Variants in CRTAP observed in about 807,000 individuals in gnomAD.
CRTAP encodes cartilage associated protein, also known as cartilage-associated protein.
In CRTAP, 33 loss-of-function variants were observed where a neutral mutation model predicts 42.7. The ratio of observed to expected loss-of-function variants is 0.77; its 90% CI spans 0.59 to 1.03. The LOEUF is 1.03. Among genes scored for constraint, CRTAP ranks in the 50% least tolerant of loss-of-function variants. CRTAP has a pLI of 0.00. For missense variants in CRTAP, 613 were observed against 533.9 expected, an observed-to-expected ratio of 1.15 and a Z score of -1.46; for synonymous variants, 243 against 217.7, an observed-to-expected ratio of 1.12 and a Z score of -1.02.
chr3:33,134,920 G>A (rs539888291), intron 6 of CRTAP, among the ~76,000 whole-genome samples: 5 of 152,314 alleles, frequency 3.3e-5, no homozygotes, highest in African/African-American at 1.2e-4. Flanking sequence ...CTGATCCTTC[G>A]CTTTATAGAT....
intron 4 of CRTAP, 128 bp from the exon 5 acceptor site, chr3:33,132,427 G>A (rs190409006): frequency 3.0e-6 from 4 of 1,350,076 alleles, no homozygotes; most frequent in African/African-American, 1.4e-5. Flanking sequence ...GCTGCCAGTC[G>A]GCCCCAGGCT....
chr3:33,135,107 A>G (rs767121071), intron 6 of CRTAP, among the ~76,000 whole-genome samples: 5 of 152,238 alleles, frequency 3.3e-5, no homozygotes, highest in African/African-American at 7.2e-5. Flanking sequence ...TTTATCTATA[A>G]AATGGGAATA....
intron 1 of CRTAP, among the ~76,000 whole-genome samples, chr3:33,118,972 C>G (rs1044623353): frequency 7.2e-5 from 11 of 152,216 alleles, no homozygotes; most frequent in African/African-American, 2.2e-4. Context: ...CTGGGAGATT[C>G]CCTTTCTCCC....
At chr3:33,141,522 G>A (rs1380365082) in intron 6 of CRTAP, among the ~76,000 whole-genome samples, 1 of 152,180 alleles carries the variant, frequency 6.6e-6, no homozygotes, top group Non-Finnish European at 1.5e-5. Context: ...AAATTTCTCT[G>A]TGTTAAAACA....
chr3:33,138,880 C>T (rs1216694807), intron 6 of CRTAP, among the ~76,000 whole-genome samples: 1 of 151,978 alleles, frequency 6.6e-6, no homozygotes, highest in Non-Finnish European at 1.5e-5. Flanking sequence ...TGGTGGCTCA[C>T]ACCTGTAATC....
chr3:33,114,514 A>G lies in CRTAP; in HGVS notation c.437A>G (p.Glu146Gly). The G allele has an allele frequency of 6.2e-7, 1 of 1,603,982 alleles. No individual in the cohort carries two copies. The highest frequency in any genetic ancestry group is 8.5e-7 in the Non-Finnish European group (1 of 1,177,052). ...GTGCTGGCGGACTTCCAGCGCCGCGAGCCCTACAAGTTCCTGCAGTTCGCT... is the reference window on the plus strand; with the variant it reads ...GTGCTGGCGGACTTCCAGCGCCGCGGGCCCTACAAGTTCCTGCAGTTCGCT... ...REVLADFQRR[E>G]PYKFLQFAYF... The change falls in exon 1 of 7, where the codon GAG (glutamate) becomes GGG (glycine). Residue 146 changes from glutamate (E) to glycine (G), a missense_variant. Coordinates refer to ENST00000320954, the MANE Select transcript of CRTAP (RefSeq NM_006371.5).
intron 6 of CRTAP, 72 bp downstream of exon 6, chr3:33,134,337 G>C (rs1041275023): frequency 5.0e-6 from 5 of 1,005,632 alleles, no homozygotes; most frequent in Admixed American, 3.4e-5. Flanking sequence ...TAGAATCACT[G>C]GAAGGCTGAG....
chr3:33,141,917 A>T (rs1438665425), intron 6 of CRTAP, among the ~76,000 whole-genome samples: 1 of 152,184 alleles, frequency 6.6e-6, no homozygotes, highest in African/African-American at 2.4e-5. Flanking sequence ...GCAAGCACTC[A>T]ATCATTCATC....
At chr3:33,127,438 AT>A (rs1258874409) in intron 3 of CRTAP, among the ~76,000 whole-genome samples, 2 of 147,186 alleles carry the variant, frequency 1.4e-5, no homozygotes, top group African/African-American at 4.9e-5. Flanking sequence ...TATTGTTATT[AT>A]TTTATTTATT....
chr3:33,124,514 G>A lies in CRTAP; in HGVS notation c.728G>A (p.Cys243Tyr). ...GACTTCTTCAAAGCCTTTTACGAGT[G>A]TCTCGCAGCCTGCGAGGGTTCCAGG... is the stretch of plus-strand genomic sequence containing the variant. ...LPDFFKAFYE[C>Y]LAACEGSREI... Residue 243 changes from cysteine to tyrosine, a missense_variant, in exon 3 of 7, where the codon TGT (cysteine) becomes TAT (tyrosine). Cys to Tyr is a radical substitution (Grantham distance 194). Coordinates refer to ENST00000320954, the MANE Select transcript of CRTAP (RefSeq NM_006371.5). The A allele has an allele frequency of 4.3e-6, 7 of 1,614,238 alleles. No homozygotes were observed. The highest frequency in any genetic ancestry group is 5.1e-6 in the Non-Finnish European group (6 of 1,180,048).
intron 3 of CRTAP, among the ~76,000 whole-genome samples, chr3:33,126,705 G>C (rs1410117164): frequency 3.3e-5 from 5 of 152,188 alleles, no homozygotes; most frequent in African/African-American, 7.2e-5. Context: ...TTGTGACACA[G>C]ACTCAGGAGG....
intron 2 of CRTAP, among the ~76,000 whole-genome samples, chr3:33,122,708 T>TGAAA (rs2029916747): frequency 2.9e-5 from 1 of 34,288 alleles, no homozygotes; most frequent in African/African-American, 1.4e-4. Flanking sequence ...AGACTCTGTC[T>TGAAA]CAAAAAAAAA....
Position 33,134,207 on chromosome 3 carries a change from C to T in CRTAP, c.1094C>T (p.Thr365Ile). The change falls in exon 6 of 7, where the codon ACC (threonine) becomes ATC (isoleucine). Residue 365 changes from threonine (T) to isoleucine (I), a missense_variant. By Grantham distance (89) the Thr-to-Ile change is moderately conservative. Coordinates refer to ENST00000320954, the MANE Select transcript of CRTAP (RefSeq NM_006371.5). Reference protein sequence around the residue: ...RPEAVQFFNVTTLQKELYDFA... With the variant: ...RPEAVQFFNVITLQKELYDFA... The stretch of plus-strand genomic sequence containing the variant: ...GAAGCAGTTCAGTTCTTTAATGTGA[C>T]CACACTCCAGAAGGAGCTGTATGAC... 1 of 1,613,378 alleles carries T rather than the reference C, an allele frequency of 6.2e-7. No individual in the cohort carries two copies. The highest frequency in any genetic ancestry group is 2.2e-5 in the East Asian group (1 of 44,878).
rs545630181 is a variant in CRTAP, at chr3:33,129,341, TG to T, written c.794-593del. On this transcript the variant is annotated intron_variant, in intron 3 of 6. Transcript: ENST00000320954. ...TGCAATTTGGTAGTTTAAATTATTT[TG>T]GGGGTAATTGTATTTCCTAATTACA... 1.1e-3 allele frequency among the ~76,000 whole-genome samples: 175 copies of T among 152,268 alleles called. 1 individual carries two copies. Among genetic ancestry groups the T allele is most frequent in the Admixed American group, 0.01 (154 of 15,292 alleles).
At chr3:33,131,023 T>G (rs1338216962) in intron 4 of CRTAP, among the ~76,000 whole-genome samples, 1 of 152,154 alleles carries the variant, frequency 6.6e-6, no homozygotes, top group African/African-American at 2.4e-5. Flanking sequence ...GTTCAAGCAG[T>G]GTGTCCCTTG....
intron 1 of CRTAP, among the ~76,000 whole-genome samples, chr3:33,118,140 TA>T (rs1378429643): frequency 6.6e-6 from 1 of 152,098 alleles, no homozygotes; most frequent in Non-Finnish European, 1.5e-5. Flanking sequence ...TTTGTCTTTT[TA>T]GTAGAGATGG....
intron 3 of CRTAP, among the ~76,000 whole-genome samples, chr3:33,125,434 G>A (rs1257282760): frequency 2.4e-5 from 3 of 125,988 alleles, no homozygotes; most frequent in Non-Finnish European, 3.4e-5. Context: ...CAGCGTTTTC[G>A]GTTTTGTTTT....
rs56747747 is a variant in CRTAP, at chr3:33,132,294, G to A, written c.923-261G>A. 2.5e-3 allele frequency among the ~76,000 whole-genome samples: 377 copies of A among 152,270 alleles called. 1 individual carries two copies. The highest frequency in any genetic ancestry group is 8.5e-3 in the African/African-American group (352 of 41,568). ...CTTCCAGGGACCTGAGACCAGCTCA[G>A]GTCACCAGAGCTGGAAGTGGAACAT... is the stretch of plus-strand genomic sequence containing the variant. On this transcript the variant is annotated intron_variant, in intron 4 of 6. Coordinates refer to ENST00000320954, the MANE Select transcript of CRTAP (RefSeq NM_006371.5).
rs781545232 is a variant in CRTAP, at chr3:33,132,654, A to G, written c.1022A>G (p.His341Arg). ...MQQNLVYYQY[H>R]RDTWGLSDEH... ...CAGAACCTGGTGTATTACCAGTACC[A>G]CAGGGACACTTGGGGCCTCTCGGAT... is the stretch of plus-strand genomic sequence containing the variant. Residue 341 changes from histidine (H) to arginine (R), a missense_variant, in exon 5 of 7, where the codon CAC becomes CGC. By Grantham distance (29) the His-to-Arg change is conservative. Coordinates refer to ENST00000320954, the MANE Select transcript of CRTAP (RefSeq NM_006371.5). The G allele has an allele frequency of 2.2e-5, 35 of 1,613,954 alleles. No homozygotes were observed. Among genetic ancestry groups the G allele is most frequent in the Middle Eastern group, 1.6e-4 (1 of 6,078 alleles).
Sources: allele counts gnomAD v4.1 joint callset (sites outside exome capture counted in the v4.1 genomes callset), GRCh38; gene constraint gnomAD v4.1.1; transcripts MANE v1.5; gene names NCBI Gene and HGNC (gene_info 2026-07-23, HGNC 2026-07-21).